CFAP95: variants seen among roughly 807,000 people sequenced by gnomAD.
CFAP95 encodes the protein cilia and flagella associated protein 95.
chr9:69,872,458 T>C, the CFAP95 span, among the ~76,000 whole-genome samples: 1 of 151,974 alleles, frequency 6.6e-6, no homozygotes, highest in African/African-American at 2.4e-5. Context: ...AAATGCAGAG[T>C]GGTTAAGAGA....
chr9:69,834,680 A>G, the CFAP95 span, among the ~76,000 whole-genome samples: 1 of 152,202 alleles, frequency 6.6e-6, no homozygotes, highest in Non-Finnish European at 1.5e-5. Flanking sequence ...GGTCTTATTT[A>G]TGTGCCACTC....
the CFAP95 span, among the ~76,000 whole-genome samples, chr9:69,827,200 G>T: frequency 1.3e-5 from 2 of 152,086 alleles, no homozygotes; most frequent in Non-Finnish European, 2.9e-5. Context: ...ACTTTAAAGA[G>T]ATATTTTTAT....
the CFAP95 span, among the ~76,000 whole-genome samples, chr9:69,834,662 T>C: frequency 6.6e-6 from 1 of 152,228 alleles, no homozygotes; most frequent in Admixed American, 6.5e-5. Context: ...AAATTTATAA[T>C]AATGATGGGT....
the CFAP95 span, among the ~76,000 whole-genome samples, chr9:69,837,473 G>A: frequency 6.6e-6 from 1 of 152,134 alleles, no homozygotes; most frequent in African/African-American, 2.4e-5. Context: ...GCATTTCTCT[G>A]ATGGCCAGTG....
chr9:69,858,081 T>TG, the CFAP95 span: 1 of 1,022,810 alleles, frequency 9.8e-7, no homozygotes, highest in Non-Finnish European at 1.5e-6. Flanking sequence ...GTCAACAAAA[T>TG]GCCCTTTACA....
At chr9:69,838,567 TTTATACA>T in the CFAP95 span, among the ~76,000 whole-genome samples, 1 of 151,742 alleles carries the variant, frequency 6.6e-6, no homozygotes, top group Admixed American at 6.6e-5. Context: ...GCTTGTGATT[TTTATACA>T]TTGATTTTGT....
chr9:69,822,093 T>C, the CFAP95 span, among the ~76,000 whole-genome samples: 1 of 152,232 alleles, frequency 6.6e-6, no homozygotes, highest in Non-Finnish European at 1.5e-5. Flanking sequence ...TTTAGGACTT[T>C]TCAAATTCTT....
chr9:69,843,552 CTCCTCCTTCTTCTTCTTCTTCTTCT>C, the CFAP95 span, among the ~76,000 whole-genome samples: 18 of 25,476 alleles, frequency 7.1e-4, 1 homozygote, highest in Admixed American at 1.1e-3. Flanking sequence ...CCTCCTCCTC[CTCCTCCTTCTTCTTCTTCTTCTTCT>C]TCTTCTTCTT....
chr9:69,823,157 A>T, the CFAP95 span, among the ~76,000 whole-genome samples: 16 of 152,230 alleles, frequency 1.1e-4, no homozygotes, highest in African/African-American at 3.6e-4. Flanking sequence ...AGGCAAAGCA[A>T]GCACCTTCTT....
At chr9:69,843,600 CT>C in the CFAP95 span, among the ~76,000 whole-genome samples, 3 of 70,492 alleles carry the variant, frequency 4.3e-5, no homozygotes, top group African/African-American at 2.6e-4. Flanking sequence ...TCTTCTTCTT[CT>C]TCTTCTTCTT....
At chr9:69,868,278 T>TG in the CFAP95 span, among the ~76,000 whole-genome samples, 1 of 151,564 alleles carries the variant, frequency 6.6e-6, no homozygotes, top group Admixed American at 6.6e-5. Context: ...TGAAATGATT[T>TG]TTTTGGACAG....
At chr9:69,891,705 C>T in the CFAP95 span, among the ~76,000 whole-genome samples, 1 of 152,124 alleles carries the variant, frequency 6.6e-6, no homozygotes, top group African/African-American at 2.4e-5. Flanking sequence ...CTATATTTCT[C>T]ATTTTCATTT....
the CFAP95 span, among the ~76,000 whole-genome samples, chr9:69,833,446 C>T: frequency 6.6e-6 from 1 of 152,194 alleles, no homozygotes; most frequent in African/African-American, 2.4e-5. Flanking sequence ...AAGCAATCTA[C>T]CTGCCTCTGC....
the CFAP95 span, among the ~76,000 whole-genome samples, chr9:69,837,574 G>A: frequency 9.2e-5 from 14 of 151,974 alleles, no homozygotes; most frequent in Non-Finnish European, 1.5e-4. Context: ...TTTTTGATGG[G>A]GTTGTTTGTT....
At chr9:69,846,445 A>T in the CFAP95 span, among the ~76,000 whole-genome samples, 1 of 152,214 alleles carries the variant, frequency 6.6e-6, no homozygotes, top group Non-Finnish European at 1.5e-5. Context: ...AAATAGACTG[A>T]GGAATCACTA....
chr9:69,904,255 G>T, the CFAP95 span, among the ~76,000 whole-genome samples: 17 of 152,206 alleles, frequency 1.1e-4, no homozygotes, highest in East Asian at 3.3e-3. Flanking sequence ...ATACTTTTCT[G>T]TGTCTGTGAA....
At chr9:69,882,318 C>T in the CFAP95 span, among the ~76,000 whole-genome samples, 1 of 152,162 alleles carries the variant, frequency 6.6e-6, no homozygotes, top group Non-Finnish European at 1.5e-5. Context: ...TGCAACTTTA[C>T]TGAATTTGTT....
At chr9:69,896,307 GT>G in the CFAP95 span, among the ~76,000 whole-genome samples, 1 of 152,156 alleles carries the variant, frequency 6.6e-6, no homozygotes, top group Non-Finnish European at 1.5e-5. Flanking sequence ...AACAGCTAAT[GT>G]TTAATTGTGT....
the CFAP95 span, among the ~76,000 whole-genome samples, chr9:69,822,812 C>T: frequency 2.6e-5 from 4 of 152,154 alleles, no homozygotes; most frequent in South Asian, 6.2e-4. Context: ...GAAAATATAG[C>T]GGGACCTCAT....
Sources: gnomAD v4.1 joint callset for allele counts (sites outside exome capture counted in the v4.1 genomes callset) on GRCh38, gnomAD v4.1.1 for gene constraint, MANE v1.5 for transcripts, NCBI Gene and HGNC (gene_info 2026-07-23, HGNC 2026-07-21) for gene names.